The following BIRC6 variants were observed in gnomAD, a reference collection of about 807,000 sequenced individuals.
BIRC6 encodes the protein baculoviral IAP repeat containing 6.
In BIRC6, 98 loss-of-function variants were observed where a neutral mutation model predicts 503.3. The ratio of observed to expected loss-of-function variants is 0.19; its 90% CI spans 0.17 to 0.23. The LOEUF (loss-of-function observed/expected upper bound fraction) is 0.23, where lower values mean the gene tolerates loss of function less well. Among genes scored for constraint, BIRC6 ranks in the 10% least tolerant of loss-of-function variants. The pLI is 1.00. For synonymous variants in BIRC6, 2,240 were observed against 2,078.7 expected (o/e 1.08, Z -2.11); for missense variants, 5,360 against 5,806.0 (o/e 0.92, Z 2.50).
In BIRC6 at chr2:32,430,890, A is replaced by G; in HGVS notation, c.3048A>G (p.Pro1016=). The G allele has an allele frequency of 6.3e-7, 1 of 1,597,490 alleles. No homozygotes were observed. Among genetic ancestry groups the G allele is most frequent in the African/African-American group, 1.4e-5 (1 of 72,418 alleles). ...GAGTTGATTTATTGGTGGACCAGCC[A>G]TTCACCCTTGAAATCTTGACATCCC... The part of the protein sequence containing the change: ...ISGVDLLVDQ[P]FTLEILTSLV... Residue 1016 remains proline, a synonymous_variant, in exon 12 of 74, where the codon CCA becomes CCG. Transcript: ENST00000421745.
intron 65 of BIRC6, among the ~76,000 whole-genome samples, chr2:32,569,843 G>C (rs1346991546): frequency 6.6e-6 from 1 of 152,038 alleles, no homozygotes; most frequent in East Asian, 1.9e-4. Flanking sequence ...GGAGTCTTTA[G>C]GGTTTTCTAG....
intron 65 of BIRC6, chr2:32,565,639 A>G (rs1230419813): frequency 6.6e-6 from 1 of 152,194 alleles, no homozygotes; most frequent in South Asian, 2.1e-4. Context: ...ATATAAATAC[A>G]TATTAGTTCA....
chr2:32,572,899 ATC>A (rs2060014737), intron 65 of BIRC6, among the ~76,000 whole-genome samples: 1 of 152,060 alleles, frequency 6.6e-6, no homozygotes, highest in African/African-American at 2.4e-5. Flanking sequence ...AGTTGTAGAG[ATC>A]TCTTTCACAT....
chr2:32,479,765 A>G (rs2050166410), intron 37 of BIRC6, 148 bp downstream of exon 37: 1 of 672,730 alleles, frequency 1.5e-6, no homozygotes, highest in African/African-American at 1.8e-5. Context: ...TTCCTGGTAA[A>G]TACATTTTAT....
intron 65 of BIRC6, chr2:32,557,735 T>G (rs1467520084): frequency 6.6e-6 from 1 of 152,222 alleles, no homozygotes; most frequent in African/African-American, 2.4e-5. Context: ...ACCAAAACAA[T>G]CACTAAGAGG....
chr2:32,469,221 G>A (rs565798625), intron 29 of BIRC6, among the ~76,000 whole-genome samples, 174 bp from the exon 30 acceptor site: 1 of 152,180 alleles, frequency 6.6e-6, no homozygotes, highest in African/African-American at 2.4e-5. Context: ...AAATATTTTC[G>A]TCTCCAAGTA....
At chr2:32,532,314 AG>A in intron 61 of BIRC6, 1 of 469,608 alleles carries the variant, frequency 2.1e-6, no homozygotes, top group Non-Finnish European at 4.4e-6. Context: ...AGATATCAGC[AG>A]GGCCATGCTC....
Position 32,452,004 on chromosome 2 carries a change from A to G in BIRC6, c.4619-1804A>G, listed in dbSNP as rs1341618443. ...GTAAAGTTCTTTAAAAGTATAAAAT[A>G]TATCAGTTGATCTTAATGTAACAGA... On this transcript the variant is annotated intron_variant, in intron 22 of 73. Coordinates refer to ENST00000421745, the MANE Select transcript of BIRC6 (RefSeq NM_016252.4). Among the ~76,000 whole-genome samples the G allele has an allele frequency of 3.3e-5, 5 of 152,316 alleles. No individual in the cohort carries two copies. In the South Asian group the frequency reaches 8.3e-4, roughly 25 times the overall value.
chr2:32,432,775 A>C (rs1016599734), intron 12 of BIRC6, among the ~76,000 whole-genome samples: 2 of 151,898 alleles, frequency 1.3e-5, no homozygotes, highest in Admixed American at 6.6e-5. Context: ...AAAAAAAAAA[A>C]AACTTTCATG....
intron 1 of BIRC6, among the ~76,000 whole-genome samples, chr2:32,373,801 C>T (rs915472854): frequency 1.3e-5 from 2 of 152,206 alleles, no homozygotes; most frequent in African/African-American, 4.8e-5. Context: ...GTGTTCATAG[C>T]AGCACTCTTC....
At chr2:32,438,784 TCTCCTGA>T (rs1371596739) in intron 15 of BIRC6, among the ~76,000 whole-genome samples, 1 of 152,018 alleles carries the variant, frequency 6.6e-6, no homozygotes, top group Non-Finnish European at 1.5e-5. Flanking sequence ...ATGGTCTCGA[TCTCCTGA>T]CCTTGTGATC....
chr2:32,504,417 C>T (rs2053569462), intron 49 of BIRC6, among the ~76,000 whole-genome samples: 1 of 151,848 alleles, frequency 6.6e-6, no homozygotes, highest in Non-Finnish European at 1.5e-5. Flanking sequence ...CCTGTAATCC[C>T]AGCACTTTGG....
intron 3 of BIRC6, among the ~76,000 whole-genome samples, chr2:32,381,321 C>T (rs1280298242): frequency 6.6e-6 from 1 of 152,142 alleles, no homozygotes. Flanking sequence ...CTCACTGCAA[C>T]CTCTGCCTCC....
intron 64 of BIRC6, chr2:32,548,764 A>T (rs1457001602): frequency 6.6e-6 from 1 of 152,226 alleles, no homozygotes; most frequent in African/African-American, 2.4e-5. Context: ...CCTGGGCGAT[A>T]AGAGTGAAAC....
chr2:32,472,223 C>T (rs932579502), intron 32 of BIRC6, among the ~76,000 whole-genome samples: 10 of 152,062 alleles, frequency 6.6e-5, no homozygotes, highest in Non-Finnish European at 1.0e-4. Flanking sequence ...TGTACCACCA[C>T]GCCCGGCTAA....
intron 10 of BIRC6, 51 bp downstream of exon 10, chr2:32,416,214 C>G: frequency 6.7e-7 from 1 of 1,487,090 alleles, no homozygotes. Context: ...GTATATATGG[C>G]ATTTGTTTAT....
chr2:32,378,041 A>G (rs1027116122), intron 2 of BIRC6, among the ~76,000 whole-genome samples: 3 of 152,214 alleles, frequency 2.0e-5, no homozygotes, highest in African/African-American at 7.2e-5. Context: ...TGGCTTAAAC[A>G]GGATAGCTTG....
chr2:32,435,918 A>C, intron 14 of BIRC6, 135 bp from the exon 15 acceptor site: 2 of 543,624 alleles, frequency 3.7e-6, no homozygotes, highest in Non-Finnish European at 5.8e-6. Context: ...TTAGCATGAC[A>C]ATTCTTATTT....
At chr2:32,495,689 C>G (rs146197024) in intron 45 of BIRC6, among the ~76,000 whole-genome samples, 1 of 151,864 alleles carries the variant, frequency 6.6e-6, no homozygotes, top group African/African-American at 2.4e-5. Flanking sequence ...TCTTAAATAC[C>G]CTCCTCACAC....
Sources: gnomAD v4.1 joint callset for allele counts (sites outside exome capture counted in the v4.1 genomes callset) on GRCh38, gnomAD v4.1.1 for gene constraint, MANE v1.5 for transcripts, NCBI Gene and HGNC (gene_info 2026-07-23, HGNC 2026-07-21) for gene names.